The following GPC5 variants were observed in gnomAD, a reference collection of about 807,000 sequenced individuals.
GPC5 encodes glypican 5, also known as glypican-5.
A neutral mutation model predicts 53.9 loss-of-function variants in GPC5; 47 were observed. The observed-to-expected ratio is 0.87, with a 90% CI of 0.69 to 1.11. The LOEUF is 1.11. GPC5 is among the 50% of genes most tolerant of loss of function. The probability of loss-of-function intolerance (pLI) is 0.00; values close to 1 mark genes in which losing one functional copy is unlikely to be tolerated. For synonymous variants in GPC5, 286 were observed against 263.3 expected, an observed-to-expected ratio of 1.09 and a Z score of -0.84; for missense variants, 748 against 713.1, an observed-to-expected ratio of 1.05 and a Z score of -0.56.
intron 7 of GPC5, among the ~76,000 whole-genome samples, chr13:92,322,833 C>T (rs936443408): frequency 3.3e-5 from 5 of 151,974 alleles, no homozygotes; most frequent in African/African-American, 1.2e-4. Context: ...AATTTGCCAT[C>T]ACAAGCATTA....
chr13:91,689,220 TATATATATATAC>T (rs1199204930), intron 2 of GPC5, among the ~76,000 whole-genome samples: 1,999 of 117,036 alleles, frequency 0.017, 48 homozygotes, highest in Middle Eastern at 0.048. Flanking sequence ...TATATATATA[TATATATATATAC>T]ACATATAAAA....
At chr13:92,663,844 T>TAC (rs1183140498) in intron 7 of GPC5, among the ~76,000 whole-genome samples, 52 of 94,210 alleles carry the variant, frequency 5.5e-4, no homozygotes, top group South Asian at 3.6e-3. Flanking sequence ...TATATATATA[T>TAC]ACACACACAC....
At chr13:91,920,183 T>C (rs1045075794) in intron 6 of GPC5, among the ~76,000 whole-genome samples, 2 of 152,082 alleles carry the variant, frequency 1.3e-5, no homozygotes, top group Non-Finnish European at 2.9e-5. Context: ...ACCCCAAACC[T>C]ATATGAATAT....
intron 2 of GPC5, among the ~76,000 whole-genome samples, chr13:91,462,553 C>T (rs1394832540): frequency 6.6e-6 from 1 of 152,100 alleles, no homozygotes; most frequent in Non-Finnish European, 1.5e-5. Context: ...AACTACATTT[C>T]CTACCCGCTG....
In GPC5 at chr13:92,866,539, T is replaced by A; in HGVS notation, c.*100T>A. 1.9e-6 allele frequency: 2 copies of A among 1,027,004 alleles called. No homozygotes were observed. Among genetic ancestry groups the A allele is most frequent in the Non-Finnish European group, 2.7e-6 (2 of 741,192 alleles). 63.6% of individuals were successfully genotyped at this position (1,027,004 alleles called of 1,614,324 possible). ...ATCCTTTTTCAATGTAACAATTATA[T>A]TTATGAAAAGATATGTTACACTAAC... On this transcript the variant is annotated 3_prime_UTR_variant, in exon 8 of 8. Transcript: ENST00000377067.
chr13:91,581,629 G>A (rs536792924), intron 2 of GPC5, among the ~76,000 whole-genome samples: 16 of 152,214 alleles, frequency 1.1e-4, no homozygotes, highest in African/African-American at 3.6e-4. Context: ...CAATTTGCTT[G>A]TGCATAAAAT....
At chr13:91,984,118 C>T (rs1350689126) in intron 6 of GPC5, among the ~76,000 whole-genome samples, 3 of 152,058 alleles carry the variant, frequency 2.0e-5, no homozygotes, top group African/African-American at 7.2e-5. Flanking sequence ...GAGTTGTTTT[C>T]GGTGGTCCTC....
In GPC5 at chr13:91,990,262, G is replaced by A. The variant is rs1047845908; in HGVS notation, c.1401+82205G>A. On this transcript the variant is annotated intron_variant, in intron 6 of 7. Transcript: ENST00000377067. Reference sequence around the variant, plus strand: ...AAACTCAAGTAAAAGTGAGCAAAATGTCAGGAGAGACAATTTTGTGTCTTT... The same window carrying A: ...AAACTCAAGTAAAAGTGAGCAAAATATCAGGAGAGACAATTTTGTGTCTTT... Among the ~76,000 whole-genome samples, 45 of 152,186 alleles carry A rather than the reference G, an allele frequency of 3.0e-4. 1 individual carries two copies. Among genetic ancestry groups the A allele is most frequent in the African/African-American group, 1.0e-3 (42 of 41,452 alleles).
chr13:92,564,927 T>C (rs1448985885), intron 7 of GPC5, among the ~76,000 whole-genome samples: 1 of 152,076 alleles, frequency 6.6e-6, no homozygotes, highest in Admixed American at 6.6e-5. Flanking sequence ...TTTTAGGAAA[T>C]AATCAGATAA....
Position 91,432,209 on chromosome 13 carries a change from G to GCTGCTGCTGCTGC in GPC5, c.164-16552_164-16551insCTGCTGCTGCTGC, listed in dbSNP as rs1196894187. Among the ~76,000 whole-genome samples, 301 of 105,666 alleles carry GCTGCTGCTGCTGC rather than the reference G, an allele frequency of 2.8e-3. 1 individual carries two copies. The highest frequency in any genetic ancestry group is 0.011 in the African/African-American group (282 of 25,622). The allele number at this position is 105,666 out of a possible 152,430, so 69.3% of individuals were successfully genotyped here. A position where few individuals can be genotyped will look rare whatever the true frequency, so the allele number is the denominator to read the frequency against. On this transcript the variant is annotated intron_variant, in intron 1 of 7. Coordinates refer to ENST00000377067, the MANE Select transcript of GPC5 (RefSeq NM_004466.6). ...ACTGCTGCTGCTGCTGCTGCTGTGT[G>GCTGCTGCTGCTGC]TGTGTGTGTGTGTGTGTGTGTGTGT...
At position 92,548,543 on chromosome 13, in the gene GPC5, AC is replaced by A. The variant is rs572760114; in HGVS notation, c.1562-317738del. On this transcript the variant is annotated intron_variant, in intron 7 of 7. Coordinates refer to ENST00000377067, the MANE Select transcript of GPC5 (RefSeq NM_004466.6). ...TTCTGGTGTTTGTCAAATTTCACACACAAGAGCTTTAAAAATTAATGATAAT... is the reference window on the plus strand; with the variant it reads ...TTCTGGTGTTTGTCAAATTTCACACAAAGAGCTTTAAAAATTAATGATAAT... Among the ~76,000 whole-genome samples, 371 of 152,120 alleles carry A rather than the reference AC, an allele frequency of 2.4e-3. 1 individual carries two copies. Among genetic ancestry groups the A allele is most frequent in the African/African-American group, 8.2e-3 (340 of 41,552 alleles).
At chr13:92,495,864 C>T (rs866303120) in intron 7 of GPC5, among the ~76,000 whole-genome samples, 5 of 151,924 alleles carry the variant, frequency 3.3e-5, no homozygotes, top group South Asian at 2.1e-4. Context: ...CAGGTCCATT[C>T]GTCTAAATAT....
intron 7 of GPC5, among the ~76,000 whole-genome samples, chr13:92,674,045 C>T (rs1454455155): frequency 2.0e-5 from 3 of 152,176 alleles, no homozygotes; most frequent in Admixed American, 1.3e-4. Flanking sequence ...ATTTCAGCCC[C>T]ACTAAAGCAA....
At chr13:91,454,506 A>G (rs1193595805) in intron 2 of GPC5, among the ~76,000 whole-genome samples, 1 of 152,062 alleles carries the variant, frequency 6.6e-6, no homozygotes, top group Admixed American at 6.6e-5. Context: ...TTTCAGTTAA[A>G]TCTTTTCAAT....
chr13:91,457,548 C>T (rs1881648093), intron 2 of GPC5, among the ~76,000 whole-genome samples: 2 of 152,044 alleles, frequency 1.3e-5, no homozygotes, highest in Admixed American at 1.3e-4. Flanking sequence ...TGACCACACT[C>T]AATAGCCATG....
At chr13:92,238,395 T>C (rs1157159919) in intron 7 of GPC5, among the ~76,000 whole-genome samples, 1 of 152,048 alleles carries the variant, frequency 6.6e-6, no homozygotes, top group Non-Finnish European at 1.5e-5. Context: ...ATTATAACCA[T>C]CCTAGTTTGT....
intron 7 of GPC5, among the ~76,000 whole-genome samples, chr13:92,478,295 T>C (rs1879225819): frequency 6.6e-6 from 1 of 152,194 alleles, no homozygotes; most frequent in South Asian, 2.1e-4. Context: ...GCAATTTCTC[T>C]TGATCCTTAA....
intron 7 of GPC5, among the ~76,000 whole-genome samples, chr13:92,570,131 T>C (rs1028296479): frequency 1.3e-5 from 2 of 152,168 alleles, no homozygotes; most frequent in Non-Finnish European, 2.9e-5. Context: ...CTGTAGGTAA[T>C]ATTTGACAAT....
At chr13:92,148,634 T>C (rs778270784) in intron 7 of GPC5, among the ~76,000 whole-genome samples, 1 of 152,096 alleles carries the variant, frequency 6.6e-6, no homozygotes, top group South Asian at 2.1e-4. Context: ...TACATAGATA[T>C]AGATAGTTCA....
Sources: gnomAD v4.1 joint callset for allele counts (sites outside exome capture counted in the v4.1 genomes callset) on GRCh38, gnomAD v4.1.1 for gene constraint, MANE v1.5 for transcripts, NCBI Gene and HGNC (gene_info 2026-07-23, HGNC 2026-07-21) for gene names.